The following MID1 variants were observed in gnomAD, a reference collection of about 807,000 sequenced individuals.
MID1 encodes E3 ubiquitin-protein ligase Midline-1.
MID1 carries 7 observed loss-of-function variants against 40.4 expected under a neutral mutation model. That is an observed-to-expected ratio of 0.17 (90% CI 0.10 to 0.33). MID1 has a LOEUF of 0.33. MID1 is among the 10% of genes least tolerant of loss of function. The probability of loss-of-function intolerance (pLI) is 1.00; values close to 1 mark genes in which losing one functional copy is unlikely to be tolerated. For missense variants in MID1, 367 were observed against 558.5 expected (o/e 0.66, Z 3.46); for synonymous variants, 229 against 221.2 (o/e 1.04, Z -0.31).
chrX:10,543,704 G>A (rs1202627813), intron 2 of MID1, among the ~76,000 whole-genome samples: 4 of 110,920 alleles, frequency 3.6e-5, no homozygotes, highest in Admixed American at 9.6e-5. Context: ...TTAGCTGGGC[G>A]TGGTGGTGTG....
At chrX:10,777,992 G>T (rs900170620) in intron 1 of MID1, among the ~76,000 whole-genome samples, 1 of 111,048 alleles carries the variant, frequency 9.0e-6, no homozygotes, top group African/African-American at 3.3e-5. Context: ...GCCTTCTTCC[G>T]AAATACCTCC....
intron 1 of MID1, among the ~76,000 whole-genome samples, chrX:10,597,889 T>C (rs1030766433): frequency 5.4e-5 from 6 of 111,703 alleles, no homozygotes; most frequent in African/African-American, 9.8e-5. Context: ...GATAACCCCA[T>C]GGTCAGCACA....
chrX:10,797,511 G>A (rs1033947342), intron 1 of MID1, among the ~76,000 whole-genome samples: 1 of 111,709 alleles, frequency 9.0e-6, no homozygotes, highest in Non-Finnish European at 1.9e-5. Context: ...AGCCAGCAAG[G>A]GGCTGAAGCA....
chrX:10,731,946 G>A (rs112445926), intron 1 of MID1, among the ~76,000 whole-genome samples: 3,176 of 77,542 alleles, frequency 0.041, 155 homozygotes, highest in African/African-American at 0.16. Flanking sequence ...TGTCCTGGGC[G>A]ACAGAGCAAG....
chrX:10,608,762 T>C (rs1239221571), intron 1 of MID1, among the ~76,000 whole-genome samples: 1 of 112,060 alleles, frequency 8.9e-6, no homozygotes, highest in African/African-American at 3.2e-5. Context: ...TAAAGACCAG[T>C]GTTATATTCT....
chrX:10,714,857 A>T (rs940304242), intron 1 of MID1, among the ~76,000 whole-genome samples: 1 of 112,314 alleles, frequency 8.9e-6, no homozygotes, highest in Admixed American at 9.4e-5. Context: ...ACTAGTGACA[A>T]TATGTAGAAT....
At chrX:10,630,873 A>G (rs1033417524) in intron 1 of MID1, among the ~76,000 whole-genome samples, 9 of 110,642 alleles carry the variant, frequency 8.1e-5, no homozygotes, top group Non-Finnish European at 9.4e-5. Flanking sequence ...AAGAGCAGAA[A>G]CGAGGTTTCC....
chrX:10,554,643 G>A (rs892633959), intron 2 of MID1, among the ~76,000 whole-genome samples: 3 of 111,738 alleles, frequency 2.7e-5, no homozygotes, highest in Non-Finnish European at 3.8e-5. Context: ...ATAAATAAGT[G>A]AGGCCCTTGT....
chrX:10,691,901 T>C (rs1036856159), intron 1 of MID1, among the ~76,000 whole-genome samples: 5 of 110,925 alleles, frequency 4.5e-5, no homozygotes, highest in African/African-American at 1.6e-4. Flanking sequence ...TTGGGGGAGG[T>C]CTATGAATGG....
intron 1 of MID1, among the ~76,000 whole-genome samples, chrX:10,652,321 A>G (rs1936324605): frequency 9.0e-6 from 1 of 111,307 alleles, no homozygotes; most frequent in Non-Finnish European, 1.9e-5. Flanking sequence ...TCAGATCAGA[A>G]TCTTTGTAGT....
intron 1 of MID1, among the ~76,000 whole-genome samples, chrX:10,750,651 TA>T (rs2043591807): frequency 9.2e-6 from 1 of 108,553 alleles, no homozygotes; most frequent in African/African-American, 3.4e-5. Context: ...AAATAAAAAA[TA>T]AAAATAAAAT....
intron 1 of MID1, among the ~76,000 whole-genome samples, chrX:10,589,238 C>G (rs754809180): frequency 4.4e-4 from 49 of 111,948 alleles, no homozygotes; most frequent in African/African-American, 1.5e-3. Context: ...AAAACAAAAA[C>G]CAAAGTGCCG....
chrX:10,679,380 G>T (rs1385761268), intron 1 of MID1, among the ~76,000 whole-genome samples: 1 of 111,733 alleles, frequency 8.9e-6, no homozygotes, highest in Non-Finnish European at 1.9e-5. Flanking sequence ...GGGAAGGGAA[G>T]GATTGTGGTT....
At chrX:10,683,517 G>A (rs757005155) in intron 1 of MID1, among the ~76,000 whole-genome samples, 2 of 110,588 alleles carry the variant, frequency 1.8e-5, no homozygotes, top group Non-Finnish European at 3.8e-5. Context: ...ACTCTAGCCC[G>A]GGCAGCACAG....
At chrX:10,506,180 G>A (rs967286423) in intron 3 of MID1, 6 of 929,642 alleles carry the variant, frequency 6.5e-6, no homozygotes, top group Admixed American at 1.1e-4. Flanking sequence ...TCACATGTAC[G>A]TTTATTCAAA....
chrX:10,809,793 G>C (rs1167865253), intron 1 of MID1, among the ~76,000 whole-genome samples: 2 of 84,122 alleles, frequency 2.4e-5, no homozygotes, highest in Admixed American at 2.9e-4. Context: ...GAGGGGGGAG[G>C]GATAGCATTA....
chrX:10,496,501 G>A (rs943899667), intron 3 of MID1, among the ~76,000 whole-genome samples: 2 of 112,415 alleles, frequency 1.8e-5, no homozygotes, highest in Non-Finnish European at 3.8e-5. Context: ...TTCACAAACA[G>A]AAACCCAGAA....
At chrX:10,625,599 T>C (rs1196946098) in intron 1 of MID1, among the ~76,000 whole-genome samples, 1 of 112,376 alleles carries the variant, frequency 8.9e-6, no homozygotes, top group African/African-American at 3.2e-5. Flanking sequence ...TGCTAATCGA[T>C]TTATTATGTA....
chrX:10,536,258 C>T (rs1203856693), intron 2 of MID1, among the ~76,000 whole-genome samples: 2 of 111,232 alleles, frequency 1.8e-5, no homozygotes, highest in South Asian at 3.7e-4. Flanking sequence ...GAAAACCACA[C>T]CTAGTATTCT....
Sources: allele counts gnomAD v4.1 joint callset (sites outside exome capture counted in the v4.1 genomes callset), GRCh38; gene constraint gnomAD v4.1.1; transcripts MANE v1.5; gene names NCBI Gene and HGNC (gene_info 2026-07-23, HGNC 2026-07-21).